The following PBX1 variants were observed in gnomAD, a reference collection of about 807,000 sequenced individuals.
The protein encoded by PBX1 is PBX homeobox 1.
In PBX1, 6 loss-of-function variants were observed where a neutral mutation model predicts 53.4. The ratio of observed to expected loss-of-function variants is 0.11; its 90% CI spans 0.06 to 0.22. The LOEUF (loss-of-function observed/expected upper bound fraction) is 0.22, where lower values mean the gene tolerates loss of function less well. PBX1 is among the 10% of genes least tolerant of loss of function. The pLI, the probability that PBX1 is intolerant of heterozygous loss-of-function variation, is 1.00. For synonymous variants in PBX1, 204 were observed against 212.3 expected, an observed-to-expected ratio of 0.96 and a Z score of 0.34; for missense variants, 251 against 551.4, an observed-to-expected ratio of 0.46 and a Z score of 5.46.
intron 2 of PBX1, among the ~76,000 whole-genome samples, chr1:164,748,054 T>C (rs1438181833): frequency 6.6e-6 from 1 of 152,190 alleles, no homozygotes; most frequent in Non-Finnish European, 1.5e-5. Context: ...TGATAAACAG[T>C]ATGGGCACCA....
chr1:164,616,984 A>G (rs767140715), intron 2 of PBX1, among the ~76,000 whole-genome samples: 11 of 152,360 alleles, frequency 7.2e-5, no homozygotes, highest in Non-Finnish European at 1.5e-4. Context: ...ACCCACCTGG[A>G]GTCCAGATCC....
chr1:164,817,473 T>A (rs935371948), intron 6 of PBX1: 1 of 152,330 alleles, frequency 6.6e-6, no homozygotes, highest in African/African-American at 2.4e-5. Flanking sequence ...TAGATACTTA[T>A]CAGAGAGTGA....
At chr1:164,786,724 C>T (rs940578756) in intron 2 of PBX1, among the ~76,000 whole-genome samples, 3 of 142,610 alleles carry the variant, frequency 2.1e-5, no homozygotes, top group African/African-American at 8.5e-5. Context: ...TGTGTGTGCG[C>T]GCGCACACAC....
At chr1:164,623,514 G>A (rs1450947796) in intron 2 of PBX1, among the ~76,000 whole-genome samples, 1 of 152,250 alleles carries the variant, frequency 6.6e-6, no homozygotes, top group East Asian at 1.9e-4. Flanking sequence ...GGGAGTGGGT[G>A]CATTAGGTTT....
intron 2 of PBX1, among the ~76,000 whole-genome samples, chr1:164,688,485 C>T (rs989947387): frequency 5.9e-5 from 9 of 152,242 alleles, no homozygotes; most frequent in East Asian, 1.9e-4. Context: ...AACTTACTTC[C>T]GCATTTGCTC....
intron 3 of PBX1, among the ~76,000 whole-genome samples, chr1:164,794,494 G>A (rs977191097): frequency 2.6e-5 from 4 of 152,120 alleles, no homozygotes; most frequent in Non-Finnish European, 5.9e-5. Flanking sequence ...AAAGCAAGCT[G>A]TGGTAAGAAG....
intron 2 of PBX1, among the ~76,000 whole-genome samples, chr1:164,775,123 G>A (rs1667581426): frequency 6.6e-6 from 1 of 152,232 alleles, no homozygotes; most frequent in South Asian, 2.1e-4. Context: ...GGAGGGGTGA[G>A]AAGTGGAGTG....
chr1:164,804,809 G>C (rs1156968268), intron 4 of PBX1, among the ~76,000 whole-genome samples: 1 of 152,210 alleles, frequency 6.6e-6, no homozygotes, highest in African/African-American at 2.4e-5. Flanking sequence ...ATCTTTGAAT[G>C]AATGAATGAA....
chr1:164,565,941 A>G (rs1335889334), intron 2 of PBX1, among the ~76,000 whole-genome samples: 2 of 152,072 alleles, frequency 1.3e-5, no homozygotes, highest in African/African-American at 4.8e-5. Context: ...AATAGAGGTT[A>G]CTTGATTTAG....
chr1:164,788,286 T>G (rs985572424), intron 2 of PBX1, among the ~76,000 whole-genome samples: 1 of 152,200 alleles, frequency 6.6e-6, no homozygotes, highest in Non-Finnish European at 1.5e-5. Context: ...AATAATCATT[T>G]TGTCTCCTAC....
intron 2 of PBX1, among the ~76,000 whole-genome samples, chr1:164,729,907 A>G (rs1343481588): frequency 6.6e-6 from 1 of 152,248 alleles, no homozygotes; most frequent in Non-Finnish European, 1.5e-5. Flanking sequence ...CAAGCATTGT[A>G]CATTCGTTGT....
chr1:164,829,757 C>T (rs1441082456), intron 8 of PBX1: 3 of 151,000 alleles, frequency 2.0e-5, no homozygotes, highest in African/African-American at 7.3e-5. Context: ...TGCACATGTA[C>T]CCCAGAACTT....
intron 2 of PBX1, among the ~76,000 whole-genome samples, chr1:164,786,139 G>A (rs1037291904): frequency 1.3e-5 from 2 of 152,192 alleles, no homozygotes; most frequent in African/African-American, 4.8e-5. Flanking sequence ...GCTGAGAACA[G>A]GAAGCTGAGG....
At chr1:164,840,503 G>A (rs1248795077) in intron 8 of PBX1, among the ~76,000 whole-genome samples, 1 of 152,086 alleles carries the variant, frequency 6.6e-6, no homozygotes, top group East Asian at 1.9e-4. Context: ...TGTCTGTTTT[G>A]CATTTTTGCA....
intron 2 of PBX1, among the ~76,000 whole-genome samples, chr1:164,751,825 G>C (rs187512706): frequency 6.6e-6 from 1 of 151,670 alleles, no homozygotes; most frequent in Non-Finnish European, 1.5e-5. Context: ...CAGGTGATTT[G>C]CCCACCTCGG....
At chr1:164,700,306 A>G (rs1469586015) in intron 2 of PBX1, among the ~76,000 whole-genome samples, 1 of 152,206 alleles carries the variant, frequency 6.6e-6, no homozygotes, top group East Asian at 1.9e-4. Flanking sequence ...CCTGAGGGAC[A>G]CGGGACTCCC....
At chr1:164,765,984 C>T (rs1460403208) in intron 2 of PBX1, among the ~76,000 whole-genome samples, 1 of 152,012 alleles carries the variant, frequency 6.6e-6, no homozygotes. Context: ...GTTCTAAATG[C>T]CGTTGGGGGA....
At chr1:164,605,721 A>T (rs747180092) in intron 2 of PBX1, among the ~76,000 whole-genome samples, 1 of 152,208 alleles carries the variant, frequency 6.6e-6, no homozygotes, top group Non-Finnish European at 1.5e-5. Context: ...TGCTGGGTTT[A>T]TGTACTCAAG....
chr1:164,742,091 T>C (rs1665645118), intron 2 of PBX1, among the ~76,000 whole-genome samples: 1 of 152,130 alleles, frequency 6.6e-6, no homozygotes, highest in African/African-American at 2.4e-5. Context: ...TAACCTTTCT[T>C]ATTCATAGTG....
Sources: allele counts gnomAD v4.1 joint callset (sites outside exome capture counted in the v4.1 genomes callset), GRCh38; gene constraint gnomAD v4.1.1; transcripts MANE v1.5; gene names NCBI Gene and HGNC (gene_info 2026-07-23, HGNC 2026-07-21).